Variants in POGZ observed in about 807,000 individuals in gnomAD.
POGZ encodes the protein pogo transposable element with ZNF domain.
POGZ carries 17 observed loss-of-function variants against 134.6 expected under a neutral mutation model. The ratio of observed to expected loss-of-function variants is 0.13; its 90% CI spans 0.09 to 0.19. The LOEUF (loss-of-function observed/expected upper bound fraction) is 0.19, where lower values mean the gene tolerates loss of function less well. Ranked by LOEUF, POGZ falls within the 10% of genes least tolerant of loss-of-function variation. The pLI, the probability that POGZ is intolerant of heterozygous loss-of-function variation, is 1.00. For missense variants in POGZ, 1,306 were observed against 1,769.7 expected (o/e 0.74, Z 4.70); for synonymous variants, 693 against 657.1 (o/e 1.05, Z -0.84).
At chr1:151,407,120 A>G in intron 16 of POGZ, 97 bp from the exon 17 acceptor site, 1 of 1,206,664 alleles carries the variant, frequency 8.3e-7, no homozygotes, top group Non-Finnish European at 1.2e-6. Context: ...ATGCCCTCCC[A>G]CTTTCTCCTT....
Position 151,416,026 on chromosome 1 carries a change from C to G in POGZ, c.1679-3630G>C, listed in dbSNP as rs150426023. Among the ~76,000 whole-genome samples the G allele has an allele frequency of 9.8e-3, 1,486 of 151,282 alleles. 29 individuals are homozygous for G. The highest frequency in any genetic ancestry group is 0.035 in the African/African-American group (1,430 of 41,304). On this transcript the variant is annotated intron_variant, in intron 10 of 18. Transcript: ENST00000271715. Reference sequence around the variant, plus strand: ...GTCAGGAGTTCAAGACCAGCCTGGCCAACATGGCGAAACCCCGCCTCTAAT... The same window carrying G: ...GTCAGGAGTTCAAGACCAGCCTGGCGAACATGGCGAAACCCCGCCTCTAAT...
intron 1 of POGZ, among the ~76,000 whole-genome samples, chr1:151,457,536 A>G (rs1379630837): frequency 6.6e-6 from 1 of 152,164 alleles, no homozygotes; most frequent in Non-Finnish European, 1.5e-5. Flanking sequence ...AAGCTCTCAG[A>G]CCCTGAGCAA....
At chr1:151,451,594 G>A (rs1007203102) in intron 1 of POGZ, among the ~76,000 whole-genome samples, 1 of 151,704 alleles carries the variant, frequency 6.6e-6, no homozygotes, top group African/African-American at 2.4e-5. Context: ...CCAAAGTGCT[G>A]GGATTACAGG....
Position 151,404,896 on chromosome 1 carries a change from T to C in POGZ, c.4139A>G (p.Glu1380Gly), listed in dbSNP as rs1482820116. 1 of 1,614,164 alleles carries C rather than the reference T, an allele frequency of 6.2e-7. No homozygotes were observed. The highest frequency in any genetic ancestry group is 1.1e-5 in the South Asian group (1 of 91,090). ...RPRSSPEETI[E>G]PESLHQLFEG... ...AAAGAGCTGGTGAAGACTTTCAGGCTCAATTGTCTCTTCAGGAGATGATCT... is the reference window on the plus strand; with the variant it reads ...AAAGAGCTGGTGAAGACTTTCAGGCCCAATTGTCTCTTCAGGAGATGATCT... Residue 1380 changes from glutamate (E) to glycine (G), a missense_variant, in exon 19 of 19, where the codon GAG becomes GGG. This residue lies in a region of POGZ where 107 missense variants were observed against 97.9 expected (regional missense o/e 1.09). Coordinates refer to ENST00000271715, the MANE Select transcript of POGZ (RefSeq NM_015100.4).
At chr1:151,439,660 T>C (rs1660204832) in intron 3 of POGZ, among the ~76,000 whole-genome samples, 1 of 152,200 alleles carries the variant, frequency 6.6e-6, no homozygotes, top group African/African-American at 2.4e-5. Context: ...TGTTCAACAA[T>C]GGGGAATGCA....
chr1:151,440,375 G>T (rs1660336416), intron 3 of POGZ, among the ~76,000 whole-genome samples: 1 of 151,866 alleles, frequency 6.6e-6, no homozygotes, highest in African/African-American at 2.4e-5. Context: ...CATCTTAGGA[G>T]TGTAGAAATA....
intron 1 of POGZ, among the ~76,000 whole-genome samples, chr1:151,458,038 G>A (rs1662979674): frequency 6.6e-6 from 1 of 152,020 alleles, no homozygotes; most frequent in African/African-American, 2.4e-5. Context: ...GACGGCGGCT[G>A]CTGTGAGATA....
rs35308281 is a variant in POGZ, at chr1:151,447,642, ATTTTTTT to A, written c.-1-5444_-1-5438del. Among the ~76,000 whole-genome samples the A allele has an allele frequency of 8.9e-4, 47 of 52,986 alleles. 1 individual carries two copies. The South Asian group carries it at 0.015, about 17-fold the overall frequency. 34.8% of individuals were successfully genotyped at this position (52,986 alleles called of 152,430 possible). ...AACCAAGAGCCACCATGTCTGGCTA[ATTTTTTT>A]TTTTTTTTTTTTTTTTTTTTGGTAG... is the stretch of plus-strand genomic sequence containing the variant. On this transcript the variant is annotated intron_variant, in intron 1 of 18. Coordinates refer to ENST00000271715, the MANE Select transcript of POGZ (RefSeq NM_015100.4).
intron 1 of POGZ, among the ~76,000 whole-genome samples, chr1:151,449,379 T>A (rs1426986620): frequency 1.3e-5 from 2 of 151,738 alleles, no homozygotes; most frequent in Non-Finnish European, 2.9e-5. Flanking sequence ...AGGGTGGGGG[T>A]GAGGAGAGGT....
chr1:151,438,773 G>A (rs1220561455), intron 3 of POGZ, among the ~76,000 whole-genome samples: 2 of 152,062 alleles, frequency 1.3e-5, no homozygotes, highest in African/African-American at 2.4e-5. Context: ...AGCTACTTGC[G>A]GGGCTGAGAT....
In POGZ at chr1:151,404,668, AG is replaced by A; in HGVS notation, c.*133del. ...CCACAGGGAAGTGTAAGTCAACTTCAGGGGGGAGTGGTGGTATAAAATTAAA... is the reference window on the plus strand; with the variant it reads ...CCACAGGGAAGTGTAAGTCAACTTCAGGGGGAGTGGTGGTATAAAATTAAA... On this transcript the variant is annotated 3_prime_UTR_variant, in exon 19 of 19. Transcript: ENST00000271715. The A allele has an allele frequency of 7.1e-7, 1 of 1,412,744 alleles. No individual in the cohort carries two copies. Among genetic ancestry groups the A allele is most frequent in the Non-Finnish European group, 9.2e-7 (1 of 1,087,236 alleles). The allele number at this position is 1,412,744 out of a possible 1,614,324, so 87.5% of individuals were successfully genotyped here. A position where few individuals can be genotyped will look rare whatever the true frequency, so the allele number is the denominator to read the frequency against.
chr1:151,407,986 T>C lies in POGZ; in HGVS notation c.2375+114A>G, dbSNP rs1345049974. On this transcript the variant is annotated intron_variant, in intron 15 of 18. Coordinates refer to ENST00000271715, the MANE Select transcript of POGZ (RefSeq NM_015100.4). ...AAGATCATGCTATTGCACTCCAGCCTAGGGGACAGAGTGAGACCCTGTCTT... is the reference window on the plus strand; with the variant it reads ...AAGATCATGCTATTGCACTCCAGCCCAGGGGACAGAGTGAGACCCTGTCTT... The C allele has an allele frequency of 8.9e-6, 7 of 787,512 alleles. No individual in the cohort carries two copies. The African/African-American group carries it at 1.5e-4, about 16-fold the overall frequency. The allele number at this position is 787,512 out of a possible 1,614,324, so 48.8% of individuals were successfully genotyped here.
At chr1:151,423,691 A>G (rs1050159007) in intron 9 of POGZ, 140 bp from the exon 10 acceptor site, 3 of 727,382 alleles carry the variant, frequency 4.1e-6, no homozygotes, top group Non-Finnish European at 6.7e-6. Flanking sequence ...TCCTTTTCTG[A>G]GCCCAGAAAG....
At position 151,409,044 on chromosome 1, in the gene POGZ, T is replaced by C. The variant is rs144045717; in HGVS notation, c.1927-216A>G. On this transcript the variant is annotated intron_variant, in intron 12 of 18. Transcript: ENST00000271715. The stretch of plus-strand genomic sequence containing the variant: ...GATATCAAAGAAAGATGGATTCTAG[T>C]CCAGGATGACTAAGTTCTCAAATCA... 1.4e-3 allele frequency among the ~76,000 whole-genome samples: 210 copies of C among 152,282 alleles called. 1 individual carries two copies. Among genetic ancestry groups the C allele is most frequent in the African/African-American group, 5.0e-3 (209 of 41,546 alleles).
chr1:151,442,131 A>G lies in POGZ; in HGVS notation c.74T>C (p.Ile25Thr), dbSNP rs1660631793. The G allele has an allele frequency of 1.9e-6, 3 of 1,609,242 alleles. No homozygotes were observed. The highest frequency in any genetic ancestry group is 2.6e-6 in the Non-Finnish European group (3 of 1,175,554). Residue 25 changes from isoleucine (I) to threonine (T), a missense_variant, in exon 2 of 19, where the codon ATT becomes ACT. Ile to Thr is a moderately conservative substitution (Grantham distance 89). This residue lies in a region of POGZ where 541 missense variants were observed against 680.5 expected (regional missense o/e 0.80). Transcript: ENST00000271715. ...ATAATCTTCAACTACAGAGTCCTCA[A>G]TGACATCACTGATTTTCTGCCATGG... ...LEPWQKISDV[I>T]EDSVVEDYNS...
At chr1:151,416,955 T>A (rs1655837424) in intron 10 of POGZ, among the ~76,000 whole-genome samples, 1 of 152,054 alleles carries the variant, frequency 6.6e-6, no homozygotes, top group African/African-American at 2.4e-5. Context: ...AAGATGATAC[T>A]GTTATCACAA....
chr1:151,405,798 G>T lies in POGZ; in HGVS notation c.3237C>A (p.His1079Gln). 6.2e-7 allele frequency: 1 copy of T among 1,614,170 alleles called. No homozygotes were observed. Among genetic ancestry groups the T allele is most frequent in the Non-Finnish European group, 8.5e-7 (1 of 1,180,028 alleles). Residue 1079 changes from histidine to glutamine, a missense_variant, in exon 19 of 19, where the codon CAC (histidine) becomes CAA (glutamine). This residue lies in a region of POGZ where 161 missense variants were observed against 185.4 expected (regional missense o/e 0.87). Transcript: ENST00000271715. This position sits in a 1 kb window ranked among gnomAD's most constrained non-coding sequence, Gnocchi z 4.9. ...YEWAVRFMLR[H>Q]HLTPHARRAV... ...CTCGCCGGGCATGGGGAGTCAGGTG[G>T]TGCCGCAGCATGAAACGCACAGCCC...
chr1:151,444,163 T>A (rs1273272335), intron 1 of POGZ, among the ~76,000 whole-genome samples: 1 of 152,222 alleles, frequency 6.6e-6, no homozygotes, highest in African/African-American at 2.4e-5. Flanking sequence ...TTTAATCTTC[T>A]ATTTTAATTA....
intron 1 of POGZ, 45 bp from the exon 2 acceptor site, chr1:151,442,250 G>T (rs772561992): frequency 6.3e-7 from 1 of 1,574,922 alleles, no homozygotes; most frequent in Non-Finnish European, 8.7e-7. Context: ...AAGAATAGGA[G>T]ATATTGCTTT....
Sources: gnomAD v4.1 joint callset for allele counts (sites outside exome capture counted in the v4.1 genomes callset) on GRCh38, gnomAD v4.1.1 for gene constraint, gnomAD v4.1.1 regional missense constraint, Gnocchi (gnomAD v3.1) non-coding constraint, MANE v1.5 for transcripts, NCBI Gene and HGNC (gene_info 2026-07-23, HGNC 2026-07-21) for gene names.